BIRC5: variants seen among roughly 807,000 people sequenced by gnomAD.
The protein encoded by BIRC5 is baculoviral IAP repeat containing 5.
In BIRC5, 8 loss-of-function variants were observed where a neutral mutation model predicts 15.8. That is an observed-to-expected ratio of 0.51 (90% CI 0.30 to 0.91). The LOEUF is 0.91. Among genes scored for constraint, BIRC5 ranks in the 40% least tolerant of loss-of-function variants. The pLI is 0.07. For synonymous variants in BIRC5, 56 were observed against 64.5 expected (o/e 0.87, Z 0.63); for missense variants, 163 against 178.6 (o/e 0.91, Z 0.50).
At chr17:78,218,458 TAA>T (rs1361809704) in intron 3 of BIRC5, among the ~76,000 whole-genome samples, 1 of 151,320 alleles carries the variant, frequency 6.6e-6, no homozygotes, top group African/African-American at 2.4e-5. Context: ...CATGCCTGGC[TAA>T]TTTTTGTATT....
At chr17:78,223,203 A>G (rs989289439) in intron 3 of BIRC5, among the ~76,000 whole-genome samples, 1 of 152,214 alleles carries the variant, frequency 6.6e-6, no homozygotes, top group Non-Finnish European at 1.5e-5. Flanking sequence ...TGGAGGAAGC[A>G]GGTAGAGTGG....
Position 78,216,972 on chromosome 17 carries a change from C to T in BIRC5, c.339+191C>T, listed in dbSNP as rs183618303. On this transcript the variant is annotated intron_variant, in intron 3 of 3. Coordinates refer to ENST00000350051, the MANE Select transcript of BIRC5 (RefSeq NM_001168.3). The stretch of plus-strand genomic sequence containing the variant: ...TTGGCTCACTGCAACCTCTGCCTCT[C>T]GGGTTCAAGTGATTCTCCTGCCTCA... Among the ~76,000 whole-genome samples the T allele has an allele frequency of 1.0e-3, 156 of 151,490 alleles. 1 individual carries two copies. The highest frequency in any genetic ancestry group is 1.9e-3 in the Non-Finnish European group (128 of 67,902).
chr17:78,219,951 G>A (rs187918456), intron 3 of BIRC5, among the ~76,000 whole-genome samples: 42 of 152,186 alleles, frequency 2.8e-4, no homozygotes, highest in Non-Finnish European at 5.0e-4. Flanking sequence ...GTCCCAGAGC[G>A]CTGAGAAAGA....
chr17:78,214,889 C>A, intron 2 of BIRC5, 100 bp downstream of exon 2: 2 of 1,106,994 alleles, frequency 1.8e-6, no homozygotes, highest in South Asian at 1.3e-5. Flanking sequence ...TTGCTTTCCA[C>A]CCTCATTGCT....
intron 2 of BIRC5, chr17:78,216,253 A>AC (rs1439048474): frequency 6.4e-6 from 1 of 156,934 alleles, no homozygotes; most frequent in African/African-American, 2.4e-5. Context: ...CGTCTCAAAA[A>AC]AAAAAAAAAA....
At chr17:78,220,035 T>G (rs1248052316) in intron 3 of BIRC5, among the ~76,000 whole-genome samples, 1 of 152,188 alleles carries the variant, frequency 6.6e-6, no homozygotes, top group African/African-American at 2.4e-5. Context: ...CCTGAAGTGC[T>G]GGTGGACGCT....
intron 3 of BIRC5, among the ~76,000 whole-genome samples, chr17:78,220,635 TTTTG>T (rs1269120751): frequency 1.3e-5 from 2 of 152,268 alleles, no homozygotes; most frequent in African/African-American, 4.8e-5. Context: ...GAACTGTTTT[TTTTG>T]TTTGTTTGTT....
intron 3 of BIRC5, 123 bp from the exon 4 acceptor site, chr17:78,223,342 G>A (rs1567866822): frequency 1.1e-6 from 1 of 930,832 alleles, no homozygotes; most frequent in Non-Finnish European, 1.6e-6. Flanking sequence ...GCCTAGCCCA[G>A]TGCCCAGTTT....
At chr17:78,222,571 A>C (rs1453668245) in intron 3 of BIRC5, among the ~76,000 whole-genome samples, 1 of 152,194 alleles carries the variant, frequency 6.6e-6, no homozygotes, top group Non-Finnish European at 1.5e-5. Flanking sequence ...AGGCTGAGGC[A>C]GGAGAATCTC....
At chr17:78,223,410 G>T (rs1225898846) in intron 3 of BIRC5, 55 bp from the exon 4 acceptor site, 1 of 1,474,694 alleles carries the variant, frequency 6.8e-7, no homozygotes. Context: ...CTTATCTACA[G>T]GATGTGACTG....
At chr17:78,215,040 A>C in intron 2 of BIRC5, 1 of 430,420 alleles carries the variant, frequency 2.3e-6, no homozygotes, top group Non-Finnish European at 4.3e-6. Flanking sequence ...AACAGAATAC[A>C]TCAGCAGACC....
In BIRC5 at chr17:78,216,122, G is replaced by A. The variant is rs532641741; in HGVS notation, c.222-542G>A. 300 of 256,382 alleles carry A rather than the reference G, an allele frequency of 1.2e-3. 1 individual carries two copies. The highest frequency in any genetic ancestry group is 6.3e-3 in the African/African-American group (275 of 43,340). 15.9% of individuals were successfully genotyped at this position (256,382 alleles called of 1,614,324 possible). On this transcript the variant is annotated intron_variant, in intron 2 of 3. Coordinates refer to ENST00000350051, the MANE Select transcript of BIRC5 (RefSeq NM_001168.3). ...AAATTAGCCGGGCGTGGTGGTGGGC[G>A]CCTGTAGTCCCAGCTACTCGGGAGG...
Position 78,224,461 on chromosome 17 carries a change from G to C in BIRC5, c.*907G>C, listed in dbSNP as rs1431123922. The C allele has an allele frequency of 2.6e-5, 4 of 152,252 alleles. No individual in the cohort carries two copies. The highest frequency in any genetic ancestry group is 4.4e-5 in the Non-Finnish European group (3 of 68,068). The allele number at this position is 152,252 out of a possible 1,614,324, so 9.4% of individuals were successfully genotyped here. A position where few individuals can be genotyped will look rare whatever the true frequency, so the allele number is the denominator to read the frequency against. On this transcript the variant is annotated 3_prime_UTR_variant, in exon 4 of 4. Coordinates refer to ENST00000350051, the MANE Select transcript of BIRC5 (RefSeq NM_001168.3). ...CTGGGCTGCTGCAGGCCGTGTGTCTGTCAGCCCAACCTTCACATCTGTCAC... is the reference window on the plus strand; with the variant it reads ...CTGGGCTGCTGCAGGCCGTGTGTCTCTCAGCCCAACCTTCACATCTGTCAC...
intron 3 of BIRC5, among the ~76,000 whole-genome samples, chr17:78,218,481 G>A (rs1252430253): frequency 2.0e-5 from 3 of 148,516 alleles, no homozygotes; most frequent in African/African-American, 5.0e-5. Flanking sequence ...TTTAGTAGAC[G>A]GGGTTTCACC....
In BIRC5 at chr17:78,223,530, C is replaced by G. The variant is rs17880183; in HGVS notation, c.405C>G (p.Ile135Met). The part of the protein sequence containing the change: ...EETAEKVRRA[I>M]EQLAAMD ...CTGCGGAGAAAGTGCGCCGTGCCAT[C>G]GAGCAGCTGGCTGCCATGGATTGAG... Residue 135 changes from isoleucine to methionine, a missense_variant, in exon 4 of 4, where the codon ATC (isoleucine) becomes ATG (methionine). Coordinates refer to ENST00000350051, the MANE Select transcript of BIRC5 (RefSeq NM_001168.3). 6.2e-7 allele frequency: 1 copy of G among 1,613,294 alleles called. No homozygotes were observed. Among genetic ancestry groups the G allele is most frequent in the Non-Finnish European group, 8.5e-7 (1 of 1,179,622 alleles).
intron 3 of BIRC5, among the ~76,000 whole-genome samples, chr17:78,217,176 CT>C (rs1415769310): frequency 0.034 from 4,790 of 141,968 alleles, 241 homozygotes; most frequent in African/African-American, 0.11. Flanking sequence ...CCACGCCTGG[CT>C]TTTTTTTTTT....
intron 3 of BIRC5, among the ~76,000 whole-genome samples, chr17:78,218,749 C>T (rs1386348833): frequency 6.6e-6 from 1 of 151,468 alleles, no homozygotes; most frequent in Admixed American, 6.6e-5. Flanking sequence ...ACTACAGGTG[C>T]CCACCACCAC....
chr17:78,223,573 C>G lies in BIRC5; in HGVS notation c.*19C>G, dbSNP rs761747371. Reference sequence around the variant, plus strand: ...GGATTGAGGCCTCTGGCCGGAGCTGCCTGGTCCCAGAGTGGCTGCACCACT... The same window carrying G: ...GGATTGAGGCCTCTGGCCGGAGCTGGCTGGTCCCAGAGTGGCTGCACCACT... On this transcript the variant is annotated 3_prime_UTR_variant, in exon 4 of 4. Transcript: ENST00000350051. 1 of 1,613,742 alleles carries G rather than the reference C, an allele frequency of 6.2e-7. No individual in the cohort carries two copies. The highest frequency in any genetic ancestry group is 1.7e-5 in the Admixed American group (1 of 59,980).
Position 78,214,723 on chromosome 17 carries a change from C to A in BIRC5, c.155C>A (p.Pro52Gln). The A allele has an allele frequency of 6.2e-7, 1 of 1,612,168 alleles. No individual in the cohort carries two copies. Among genetic ancestry groups the A allele is most frequent in the East Asian group, 2.2e-5 (1 of 44,774 alleles). ...ATCCACTGCCCCACTGAGAACGAGC[C>A]AGACTTGGCCCAGTGTTTCTTCTGC... ...GFIHCPTENE[P>Q]DLAQCFFCFK... The change falls in exon 2 of 4, where the codon CCA becomes CAA. Residue 52 changes from proline (P) to glutamine (Q), a missense_variant. Pro to Gln is a moderately conservative substitution (Grantham distance 76, BLOSUM62 -1). Transcript: ENST00000350051.
Sources: gnomAD v4.1 joint callset for allele counts (sites outside exome capture counted in the v4.1 genomes callset) on GRCh38, gnomAD v4.1.1 for gene constraint, MANE v1.5 for transcripts, NCBI Gene and HGNC (gene_info 2026-07-23, HGNC 2026-07-21) for gene names.